MCF2L2: variants seen among roughly 807,000 people sequenced by gnomAD.
MCF2L2 encodes the protein probable guanine nucleotide exchange factor MCF2L2.
A neutral mutation model predicts 150.2 loss-of-function variants in MCF2L2; 102 were observed. The observed-to-expected ratio is 0.68, with a 90% CI of 0.58 to 0.80. The LOEUF (loss-of-function observed/expected upper bound fraction) is 0.80, where lower values mean the gene tolerates loss of function less well. MCF2L2 is among the 30% of genes least tolerant of loss of function. The pLI is 0.00. For missense variants in MCF2L2, 1,256 were observed against 1,372.8 expected, an observed-to-expected ratio of 0.91 and a Z score of 1.34; for synonymous variants, 465 against 491.3, an observed-to-expected ratio of 0.95 and a Z score of 0.71.
intron 1 of MCF2L2, among the ~76,000 whole-genome samples, chr3:183,410,250 C>T (rs897904624): frequency 1.3e-5 from 2 of 152,222 alleles, no homozygotes; most frequent in Non-Finnish European, 2.9e-5. Flanking sequence ...ACAATAACTT[C>T]AGCCTCCAAA....
rs1202964270 is a variant in MCF2L2, at chr3:183,267,050, C to T, written c.1862+9822G>A. Among the ~76,000 whole-genome samples the T allele has an allele frequency of 2.0e-5, 3 of 152,066 alleles. No individual in the cohort carries two copies. Among genetic ancestry groups the T allele is most frequent in the Non-Finnish European group, 2.9e-5 (2 of 68,000 alleles). ...ATCCTCCTGCCTCGGCCTCCCAAAG[C>T]GCTAGGATTACAGGCGTGAGCCACC... On this transcript the variant is annotated intron_variant, in intron 15 of 29. Coordinates refer to ENST00000328913, the MANE Select transcript of MCF2L2 (RefSeq NM_015078.4). The surrounding 1 kb of genome is among the most constrained non-coding windows in gnomAD (Gnocchi z 5.5).
intron 25 of MCF2L2, among the ~76,000 whole-genome samples, 167 bp downstream of exon 25, chr3:183,205,709 C>G (rs1277351103): frequency 6.6e-6 from 1 of 152,132 alleles, no homozygotes. Context: ...CCCTCCACCT[C>G]CACCACAGTG....
intron 22 of MCF2L2, among the ~76,000 whole-genome samples, 190 bp from the exon 23 acceptor site, chr3:183,208,013 T>C (rs1722560986): frequency 6.6e-6 from 1 of 152,188 alleles, no homozygotes; most frequent in Non-Finnish European, 1.5e-5. Context: ...GTGGTGCCAT[T>C]TAGTTATATA....
At chr3:183,403,406 T>C (rs2108614170) in intron 1 of MCF2L2, among the ~76,000 whole-genome samples, 1 of 152,366 alleles carries the variant, frequency 6.6e-6, no homozygotes, top group East Asian at 1.9e-4. Context: ...TTATCCGTGC[T>C]AGCAGGGGAA....
intron 5 of MCF2L2, among the ~76,000 whole-genome samples, chr3:183,338,100 T>A (rs1466218864): frequency 6.7e-6 from 1 of 149,718 alleles, no homozygotes; most frequent in Non-Finnish European, 1.5e-5. Context: ...TCCCTTTCTA[T>A]CATCTTAGAC....
At chr3:183,414,740 T>A (rs1174858393) in intron 1 of MCF2L2, among the ~76,000 whole-genome samples, 1 of 152,214 alleles carries the variant, frequency 6.6e-6, no homozygotes, top group Non-Finnish European at 1.5e-5. Flanking sequence ...TCCTCTAAGT[T>A]TGAGTATGCT....
At chr3:183,322,290 T>C (rs1205689779) in intron 6 of MCF2L2, among the ~76,000 whole-genome samples, 2 of 152,184 alleles carry the variant, frequency 1.3e-5, no homozygotes, top group African/African-American at 4.8e-5. Context: ...CATCACTTAT[T>C]CCCCACATCA....
chr3:183,409,551 C>CT (rs11336262), intron 1 of MCF2L2, among the ~76,000 whole-genome samples: 5,903 of 121,682 alleles, frequency 0.049, 218 homozygotes, highest in Non-Finnish European at 0.07. Flanking sequence ...GCTAAAATTT[C>CT]TTTTTTTTTT....
At chr3:183,248,946 C>A (rs1242640779) in intron 15 of MCF2L2, among the ~76,000 whole-genome samples, 1 of 152,190 alleles carries the variant, frequency 6.6e-6, no homozygotes, top group Non-Finnish European at 1.5e-5. Context: ...CGCCTCTGGG[C>A]CAGCCATGTA....
rs1259556324 is a variant in MCF2L2, at chr3:183,297,147, T to C, written c.1326A>G (p.Ala442=). 4 of 1,613,998 alleles carry C rather than the reference T, an allele frequency of 2.5e-6. No homozygotes were observed. The African/African-American group carries it at 4.0e-5, about 16-fold the overall frequency. The change falls in exon 12 of 30, where the codon GCA becomes GCG. Residue 442 remains alanine, a synonymous_variant. Transcript: ENST00000328913. ...CTTGGGAAGCCAAGAGGTAGATTCC[T>C]GCCTCACACCATTGGCTGACCTTTT... ...QLDKVSQWCE[A]GIYLLASQAV... is the part of the protein sequence containing the mutation.
At chr3:183,193,704 C>T (rs1222996683) in intron 26 of MCF2L2, among the ~76,000 whole-genome samples, 1 of 152,180 alleles carries the variant, frequency 6.6e-6, no homozygotes, top group Admixed American at 6.5e-5. Flanking sequence ...CACTGGCTCA[C>T]TACAGCTCCC....
At chr3:183,273,355 CTA>C in intron 15 of MCF2L2, 1 of 221,952 alleles carries the variant, frequency 4.5e-6, no homozygotes, top group Non-Finnish European at 9.5e-6. Context: ...TAAAAAAAAT[CTA>C]TAGTTTCCAA....
intron 18 of MCF2L2, chr3:183,225,623 T>C (rs1723315733): frequency 6.6e-6 from 1 of 152,216 alleles, no homozygotes; most frequent in South Asian, 2.1e-4. Flanking sequence ...CAAATACAAA[T>C]CATATGGCCT....
intron 3 of MCF2L2, chr3:183,372,219 GTTA>G (rs1560045168): frequency 6.6e-6 from 1 of 152,072 alleles, no homozygotes; most frequent in African/African-American, 2.4e-5. Context: ...AAGCTGAGTA[GTTA>G]TTATAATCCC....
chr3:183,188,091 G>C (rs1721759821), intron 27 of MCF2L2, among the ~76,000 whole-genome samples: 1 of 152,190 alleles, frequency 6.6e-6, no homozygotes, highest in Admixed American at 6.5e-5. Context: ...ATGCCCAGCT[G>C]TAACTATGAT....
At chr3:183,389,652 C>G in intron 2 of MCF2L2, 44 bp downstream of exon 2, 1 of 1,497,850 alleles carries the variant, frequency 6.7e-7, no homozygotes, top group Non-Finnish European at 9.3e-7. Flanking sequence ...CCCATCAAGA[C>G]CCCCCCATCA....
At chr3:183,372,519 C>T (rs1712949656) in intron 3 of MCF2L2, 1 of 152,126 alleles carries the variant, frequency 6.6e-6, no homozygotes, top group Admixed American at 6.5e-5. Flanking sequence ...TGGTGAAACC[C>T]CGTCTCTACT....
At chr3:183,219,574 G>A (rs1370344122) in intron 21 of MCF2L2, among the ~76,000 whole-genome samples, 1 of 151,306 alleles carries the variant, frequency 6.6e-6, no homozygotes, top group East Asian at 1.9e-4. Flanking sequence ...TTGCACCATT[G>A]CACTCCAGCC....
chr3:183,181,656 G>A lies in MCF2L2; in HGVS notation c.3017-1497C>T, dbSNP rs2095359675. The stretch of plus-strand genomic sequence containing the variant: ...ATTGTCTTGCTGAAAGTTCTGTGAT[G>A]GAGGGATAGAGGGACAGAGGGAGCC... On this transcript the variant is annotated intron_variant, in intron 27 of 29. Transcript: ENST00000328913. This position sits in a 1 kb window ranked among gnomAD's most constrained non-coding sequence, Gnocchi z 4.3. 6.6e-6 allele frequency among the ~76,000 whole-genome samples: 1 copy of A among 152,180 alleles called. No individual in the cohort carries two copies. The highest frequency in any genetic ancestry group is 2.4e-5 in the African/African-American group (1 of 41,440).
Sources: gnomAD v4.1 joint callset for allele counts (sites outside exome capture counted in the v4.1 genomes callset) on GRCh38, gnomAD v4.1.1 for gene constraint, Gnocchi (gnomAD v3.1) non-coding constraint, MANE v1.5 for transcripts, NCBI Gene and HGNC (gene_info 2026-07-23, HGNC 2026-07-21) for gene names.